Variants in LYRM1 observed in about 807,000 individuals in gnomAD.
LYRM1 encodes the protein LYR motif-containing protein 1.
Under a neutral mutation model 14.9 loss-of-function variants are expected in LYRM1, and 14 were observed. That is an observed-to-expected ratio of 0.94 (90% CI 0.62 to 1.47). LYRM1 has a LOEUF of 1.47. Among genes scored for constraint, LYRM1 ranks in the 40% most tolerant of loss-of-function variants. The pLI is 0.00. For synonymous variants in LYRM1, 43 were observed against 56.2 expected (o/e 0.77, Z 1.05); for missense variants, 153 against 149.9 (o/e 1.02, Z -0.11).
chr16:20,910,376 T>G (rs1262507869), intron 1 of LYRM1, among the ~76,000 whole-genome samples: 1 of 152,242 alleles, frequency 6.6e-6, no homozygotes, highest in Admixed American at 6.5e-5. Context: ...CACCTGATGT[T>G]GCAGAGTGAG....
chr16:20,922,040 G>C (rs1271072412), intron 3 of LYRM1: 2 of 151,454 alleles, frequency 1.3e-5, no homozygotes, highest in Non-Finnish European at 2.9e-5. Context: ...ACCCAGTCTG[G>C]AGTGCAGTGA....
intron 1 of LYRM1, among the ~76,000 whole-genome samples, chr16:20,903,320 C>G (rs1249686183): frequency 6.6e-6 from 1 of 152,230 alleles, no homozygotes; most frequent in Non-Finnish European, 1.5e-5. Context: ...AGAGCTGTCT[C>G]CCGTCTATGT....
chr16:20,902,166 A>C (rs770749459), intron 1 of LYRM1, among the ~76,000 whole-genome samples: 50 of 152,210 alleles, frequency 3.3e-4, no homozygotes, highest in Admixed American at 1.6e-3. Flanking sequence ...TCCATTCAGC[A>C]TATATTTGGG....
chr16:20,900,118 CT>C (rs1567435073), upstream of LYRM1: 2 of 144,466 alleles, frequency 1.4e-5, no homozygotes, highest in African/African-American at 5.2e-5. Context: ...TTCCACCCCC[CT>C]TTCTCGAAGG....
intron 2 of LYRM1, among the ~76,000 whole-genome samples, chr16:20,917,942 T>C (rs1383066109): frequency 6.6e-6 from 1 of 151,880 alleles, no homozygotes; most frequent in African/African-American, 2.4e-5. Context: ...GACCTCCTTG[T>C]GGTTGTCACT....
chr16:20,920,864 G>A (rs2083150295), intron 3 of LYRM1, among the ~76,000 whole-genome samples: 1 of 151,232 alleles, frequency 6.6e-6, no homozygotes, highest in Admixed American at 6.6e-5. Context: ...CTCCAGCCTG[G>A]GTGACAGAGT....
intron 1 of LYRM1, among the ~76,000 whole-genome samples, chr16:20,904,672 A>C (rs982246330): frequency 1.5e-5 from 2 of 137,846 alleles, no homozygotes; most frequent in Non-Finnish European, 3.2e-5. Flanking sequence ...TGAATCTGAA[A>C]CAGGAAATAA....
intron 2 of LYRM1, among the ~76,000 whole-genome samples, chr16:20,917,485 TGTG>T (rs1378122905): frequency 1.3e-5 from 2 of 151,416 alleles, no homozygotes; most frequent in Non-Finnish European, 3.0e-5. Flanking sequence ...ATTGGCCAGG[TGTG>T]GTGGCTCACG....
rs1244727726 is a variant in LYRM1, at chr16:20,904,690, G to GTT, written c.-1+3802_-1+3803dup. Among the ~76,000 whole-genome samples the GTT allele has an allele frequency of 8.6e-4, 113 of 130,698 alleles. 4 individuals are homozygous for GTT. The highest frequency in any genetic ancestry group is 1.8e-3 in the East Asian group (6 of 3,330). The allele number at this position is 130,698 out of a possible 152,430, so 85.7% of individuals were successfully genotyped here. Reference sequence around the variant, plus strand: ...ATCTGAAACAGGAAATAAGTCTGTGGTTGTGTGTGTGTGTGTGTGTGTGTG... The same window carrying GTT: ...ATCTGAAACAGGAAATAAGTCTGTGGTTTTGTGTGTGTGTGTGTGTGTGTGTG... On this transcript the variant is annotated intron_variant, in intron 1 of 3. Coordinates refer to ENST00000567954, the MANE Select transcript of LYRM1 (RefSeq NM_001128302.3).
intron 1 of LYRM1, among the ~76,000 whole-genome samples, chr16:20,903,839 A>C (rs1351352988): frequency 6.6e-6 from 1 of 151,614 alleles, no homozygotes; most frequent in South Asian, 2.1e-4. Flanking sequence ...TGGCATGCAA[A>C]GCTCTTTGGT....
chr16:20,916,474 T>C (rs1024504978), intron 2 of LYRM1, among the ~76,000 whole-genome samples: 5 of 152,152 alleles, frequency 3.3e-5, no homozygotes, highest in African/African-American at 1.2e-4. Context: ...CAGTCTACTC[T>C]CACCACTTTT....
intron 2 of LYRM1, among the ~76,000 whole-genome samples, chr16:20,919,714 A>G (rs1441703009): frequency 6.6e-6 from 1 of 152,244 alleles, no homozygotes; most frequent in African/African-American, 2.4e-5. Context: ...ACCTCAAGTT[A>G]TGTTCATGAA....
chr16:20,910,355 G>A (rs1455875879), intron 1 of LYRM1, among the ~76,000 whole-genome samples: 3 of 152,152 alleles, frequency 2.0e-5, no homozygotes, highest in Non-Finnish European at 4.4e-5. Context: ...TGAAACTTGG[G>A]TTTTCTGGGT....
Position 20,915,698 on chromosome 16 carries a change from T to C in LYRM1, c.143T>C (p.Phe48Ser). ...ATACTAAATGAAGCCAGAACGCTGT[T>C]CCGGAAAAACAAAAATGTAAGTAGG... ...QYILNEARTL[F>S]RKNKNLTDTD... is the part of the protein sequence containing the mutation. Residue 48 changes from phenylalanine (F) to serine (S), a missense_variant, in exon 2 of 4, where the codon TTC becomes TCC. Phe to Ser is a radical substitution (Grantham distance 155). Coordinates refer to ENST00000567954, the MANE Select transcript of LYRM1 (RefSeq NM_001128302.3). 1 of 1,613,934 alleles carries C rather than the reference T, an allele frequency of 6.2e-7. No homozygotes were observed. The highest frequency in any genetic ancestry group is 8.5e-7 in the Non-Finnish European group (1 of 1,179,904).
chr16:20,904,056 A>C (rs2082195782), intron 1 of LYRM1, among the ~76,000 whole-genome samples: 1 of 151,994 alleles, frequency 6.6e-6, no homozygotes, highest in African/African-American at 2.4e-5. Context: ...ACTGCCTTCT[A>C]CTACTAGTAA....
intron 1 of LYRM1, among the ~76,000 whole-genome samples, chr16:20,913,818 C>A (rs1365784602): frequency 6.8e-6 from 1 of 146,976 alleles, no homozygotes; most frequent in African/African-American, 2.5e-5. Flanking sequence ...TTTTTTTTTT[C>A]TTTTTTTTGA....
intron 1 of LYRM1, among the ~76,000 whole-genome samples, chr16:20,909,468 A>C: frequency 6.6e-6 from 1 of 152,222 alleles, no homozygotes; most frequent in East Asian, 1.9e-4. Context: ...CTGAGACCGC[A>C]GTTGAATTGT....
intron 1 of LYRM1, among the ~76,000 whole-genome samples, chr16:20,907,008 C>T (rs1230140283): frequency 6.6e-6 from 1 of 152,172 alleles, no homozygotes; most frequent in Non-Finnish European, 1.5e-5. Context: ...GTCCCCATTA[C>T]TGACTCCAAA....
chr16:20,916,431 C>T (rs1050120460), intron 2 of LYRM1, among the ~76,000 whole-genome samples: 5 of 152,198 alleles, frequency 3.3e-5, no homozygotes, highest in African/African-American at 9.6e-5. Context: ...ATGGATTCAG[C>T]GCGGTCACTG....
Sources: gnomAD v4.1 joint callset for allele counts (sites outside exome capture counted in the v4.1 genomes callset) on GRCh38, gnomAD v4.1.1 for gene constraint, MANE v1.5 for transcripts, NCBI Gene and HGNC (gene_info 2026-07-23, HGNC 2026-07-21) for gene names.